The following PPIP5K2 variants were observed in gnomAD, a reference collection of about 807,000 sequenced individuals.
PPIP5K2 encodes the protein inositol hexakisphosphate and diphosphoinositol-pentakisphosphate kinase 2.
A neutral mutation model predicts 154.6 loss-of-function variants in PPIP5K2; 105 were observed. The observed-to-expected ratio is 0.68, with a 90% CI of 0.58 to 0.80. PPIP5K2 has a LOEUF of 0.80. Among genes scored for constraint, PPIP5K2 ranks in the 30% least tolerant of loss-of-function variants. The pLI is 0.00. For missense variants in PPIP5K2, 992 were observed against 1,504.6 expected, an observed-to-expected ratio of 0.66 and a Z score of 5.64; for synonymous variants, 480 against 490.3, an observed-to-expected ratio of 0.98 and a Z score of 0.28.
intron 17 of PPIP5K2, among the ~76,000 whole-genome samples, chr5:103,160,730 C>T (rs1562440894): frequency 6.6e-6 from 1 of 152,094 alleles, no homozygotes; most frequent in East Asian, 1.9e-4. Context: ...GATCCATGTA[C>T]TACTTTATGA....
At chr5:103,157,042 G>A (rs904138102) in intron 14 of PPIP5K2, among the ~76,000 whole-genome samples, 1 of 152,004 alleles carries the variant, frequency 6.6e-6, no homozygotes, top group Non-Finnish European at 1.5e-5. Flanking sequence ...AATTTAAAAA[G>A]TTAGGTAACT....
Position 103,201,649 on chromosome 5 carries a change from C to A in PPIP5K2, c.*15C>A. ...AAAAGAAATGAAATCTTAGCAGAAGCTGGAACTTTTTATACTTATAAAAAT... is the reference window on the plus strand; with the variant it reads ...AAAAGAAATGAAATCTTAGCAGAAGATGGAACTTTTTATACTTATAAAAAT... On this transcript the variant is annotated 3_prime_UTR_variant, in exon 31 of 31. Transcript: ENST00000358359. The A allele has an allele frequency of 6.5e-7, 1 of 1,529,464 alleles. No homozygotes were observed. Among genetic ancestry groups the A allele is most frequent in the Non-Finnish European group, 9.0e-7 (1 of 1,112,416 alleles). 94.7% of individuals were successfully genotyped at this position (1,529,464 alleles called of 1,614,324 possible).
chr5:103,193,574 G>A (rs1197134030), intron 29 of PPIP5K2, among the ~76,000 whole-genome samples: 2 of 151,886 alleles, frequency 1.3e-5, no homozygotes, highest in African/African-American at 4.8e-5. Flanking sequence ...ATAGAGTAGG[G>A]TAAAAATATG....
At chr5:103,184,438 T>C in intron 25 of PPIP5K2, 1 of 390,908 alleles carries the variant, frequency 2.6e-6, no homozygotes, top group Non-Finnish European at 4.6e-6. Flanking sequence ...TCTTGTTTCA[T>C]ACATGATGTT....
chr5:103,189,690 T>A (rs887087290), intron 28 of PPIP5K2, among the ~76,000 whole-genome samples: 2 of 152,092 alleles, frequency 1.3e-5, no homozygotes, highest in Admixed American at 1.3e-4. Flanking sequence ...TTGCAAGTCC[T>A]TTGGTTATTT....
Position 103,143,700 on chromosome 5 carries a change from A to G in PPIP5K2, c.488-2827A>G, listed in dbSNP as rs77844518. ...ATACTCTCTACATATGATCATTTCAATTGATGGAGAAAAAGCATTTGATAA... is the reference window on the plus strand; with the variant it reads ...ATACTCTCTACATATGATCATTTCAGTTGATGGAGAAAAAGCATTTGATAA... On this transcript the variant is annotated intron_variant, in intron 5 of 30. Coordinates refer to ENST00000358359, the MANE Select transcript of PPIP5K2 (RefSeq NM_001276277.3). Among the ~76,000 whole-genome samples, 374 of 152,322 alleles carry G rather than the reference A, an allele frequency of 2.5e-3. 7 individuals are homozygous for G. The East Asian group carries it at 0.066, about 27-fold the overall frequency.
intron 7 of PPIP5K2, 75 bp downstream of exon 7, chr5:103,148,107 T>C (rs1554209856): frequency 2.0e-6 from 2 of 1,002,834 alleles, no homozygotes; most frequent in Non-Finnish European, 1.5e-6. Flanking sequence ...AGTTAATCTT[T>C]AGCTATATCT....
In PPIP5K2 at chr5:103,173,972, T is replaced by C. The variant is rs782024864; in HGVS notation, c.2529T>C (p.Asn843=). The C allele has an allele frequency of 6.5e-7, 1 of 1,549,978 alleles. No homozygotes were observed. Among genetic ancestry groups the C allele is most frequent in the Non-Finnish European group, 8.9e-7 (1 of 1,128,744 alleles). Residue 843 remains asparagine (N), a splice_region_variant and synonymous_variant, in exon 21 of 31, where the codon AAT becomes AAC. Transcript: ENST00000358359. The part of the protein sequence containing the change: ...LSILRYGALC[N]ESKDEQWKRA... Reference sequence around the variant, plus strand: ...TTCTTCGCTATGGTGCCTTATGCAATGTAAGTAGAATAAGTTATTTCAGTC... The same window carrying C: ...TTCTTCGCTATGGTGCCTTATGCAACGTAAGTAGAATAAGTTATTTCAGTC...
intron 29 of PPIP5K2, among the ~76,000 whole-genome samples, chr5:103,194,490 G>A (rs1201388299): frequency 1.3e-5 from 2 of 152,158 alleles, no homozygotes; most frequent in South Asian, 2.1e-4. Context: ...TCCCTGGGCA[G>A]GCACGGTGGT....
Position 103,154,664 on chromosome 5 carries a change from T to C in PPIP5K2, c.1218-6T>C, listed in dbSNP as rs969731090. ...GTGACTAACAGTGTTCTGTCTTTTT[T>C]ATAAGATTTTTTGATCTTTTTGAAA... is the stretch of plus-strand genomic sequence containing the variant. On this transcript the variant is annotated splice_region_variant and splice_polypyrimidine_tract_variant and intron_variant, in intron 11 of 30. Transcript: ENST00000358359. The C allele has an allele frequency of 9.5e-6, 14 of 1,477,006 alleles. No homozygotes were observed. In the African/African-American group the frequency reaches 1.7e-4, roughly 18 times the overall value. The allele number at this position is 1,477,006 out of a possible 1,614,324, so 91.5% of individuals were successfully genotyped here.
At chr5:103,156,018 C>G (rs782787762) in intron 14 of PPIP5K2, 24 bp downstream of exon 14, 8 of 1,458,114 alleles carry the variant, frequency 5.5e-6, no homozygotes, top group Non-Finnish European at 7.7e-6. Context: ...AATGCTTATA[C>G]AGTAGTTTTA....
At chr5:103,142,783 A>AT (rs1373174892) in intron 5 of PPIP5K2, among the ~76,000 whole-genome samples, 1 of 151,762 alleles carries the variant, frequency 6.6e-6, no homozygotes, top group Non-Finnish European at 1.5e-5. Flanking sequence ...CTCAAAAAAA[A>AT]AAAAAAAATT....
At chr5:103,194,539 G>C (rs566152349) in intron 29 of PPIP5K2, among the ~76,000 whole-genome samples, 1 of 152,310 alleles carries the variant, frequency 6.6e-6, no homozygotes, top group African/African-American at 2.4e-5. Context: ...CACGCCTGGT[G>C]AGGGGATTAC....
chr5:103,148,434 T>G (rs544758771), intron 7 of PPIP5K2: 1 of 199,964 alleles, frequency 5.0e-6, no homozygotes, highest in African/African-American at 2.4e-5. Flanking sequence ...ACAACTGTGA[T>G]GTGATATAAA....
At chr5:103,186,884 G>T (rs1554225327) in intron 27 of PPIP5K2, among the ~76,000 whole-genome samples, 2 of 152,018 alleles carry the variant, frequency 1.3e-5, no homozygotes, top group African/African-American at 4.8e-5. Flanking sequence ...AATATTTTAG[G>T]ATCACTAGCT....
At position 103,188,088 on chromosome 5, in the gene PPIP5K2, A is replaced by T. The variant is rs116735138; in HGVS notation, c.3352+712A>T. ...TAAGATCTAGAAACCCAGCTCTGTT[A>T]AATTCCATTTTTGAGGCTGAATAGG... On this transcript the variant is annotated intron_variant, in intron 28 of 30. Transcript: ENST00000358359. Among the ~76,000 whole-genome samples, 266 of 152,288 alleles carry T rather than the reference A, an allele frequency of 1.7e-3. 1 individual carries two copies. Among genetic ancestry groups the T allele is most frequent in the African/African-American group, 6.2e-3 (258 of 41,572 alleles).
chr5:103,176,882 AT>A (rs1263086333), intron 21 of PPIP5K2: 1 of 1,444,334 alleles, frequency 6.9e-7, no homozygotes, highest in Admixed American at 2.0e-5. Flanking sequence ...GATTCTCAGA[AT>A]GAAGATGGAG....
At chr5:103,179,005 A>G (rs1174005270) in intron 23 of PPIP5K2, among the ~76,000 whole-genome samples, 1 of 151,956 alleles carries the variant, frequency 6.6e-6, no homozygotes, top group East Asian at 1.9e-4. Flanking sequence ...TAGCAAACTT[A>G]TAACTTGATA....
rs1265328466 is a variant in PPIP5K2 at position 103,151,250 on chromosome 5, T to A, written c.907-3T>A. The stretch of plus-strand genomic sequence containing the variant: ...CTTAAAGTTTATAACTTATTTTAAA[T>A]AGCAAACAGTTTGTGGCTTTGATTT... On this transcript the variant is annotated splice_region_variant and splice_polypyrimidine_tract_variant and intron_variant, in intron 8 of 30. Coordinates refer to ENST00000358359, the MANE Select transcript of PPIP5K2 (RefSeq NM_001276277.3). The A allele has an allele frequency of 3.1e-6, 5 of 1,589,026 alleles. No individual in the cohort carries two copies. Among genetic ancestry groups the A allele is most frequent in the Non-Finnish European group, 4.3e-6 (5 of 1,168,552 alleles).
Sources: allele counts gnomAD v4.1 joint callset (sites outside exome capture counted in the v4.1 genomes callset), GRCh38; gene constraint gnomAD v4.1.1; transcripts MANE v1.5; gene names NCBI Gene and HGNC (gene_info 2026-07-23, HGNC 2026-07-21).